ORMDL1: variants seen among roughly 807,000 people sequenced by gnomAD.
The protein encoded by ORMDL1 is ORM1-like protein 1.
A neutral mutation model predicts 13.0 loss-of-function variants in ORMDL1; 10 were observed. That is an observed-to-expected ratio of 0.77 (90% CI 0.47 to 1.30). The LOEUF is 1.30. Ranked by LOEUF, ORMDL1 falls within the 50% of genes most tolerant of loss-of-function variation. The probability of loss-of-function intolerance (pLI) is 0.00; values close to 1 mark genes in which losing one functional copy is unlikely to be tolerated. For missense variants in ORMDL1, 171 were observed against 186.7 expected (o/e 0.92, Z 0.49); for synonymous variants, 61 against 63.9 (o/e 0.95, Z 0.22).
At position 189,777,319 on chromosome 2, in the gene ORMDL1, C is replaced by G. The variant is rs752284006; in HGVS notation, c.175-1603G>C. Among the ~76,000 whole-genome samples, 5 of 152,196 alleles carry G rather than the reference C, an allele frequency of 3.3e-5. No homozygotes were observed. In the South Asian group the frequency reaches 8.3e-4, roughly 25 times the overall value. ...AGGAGTATTTATTCTGTAAGCTCTA[C>G]GAAACCATTTTCATATGGACTTTAA... On this transcript the variant is annotated intron_variant, in intron 3 of 4. Coordinates refer to ENST00000392349, the MANE Select transcript of ORMDL1 (RefSeq NM_016467.5).
At chr2:189,778,054 C>G in intron 3 of ORMDL1, 1 of 381,272 alleles carries the variant, frequency 2.6e-6, no homozygotes, top group Non-Finnish European at 5.0e-6. Flanking sequence ...TGTCAATTAC[C>G]AATCATTTGT....
In ORMDL1 at chr2:189,771,495, T is replaced by C; in HGVS notation, c.*272A>G. On this transcript the variant is annotated 3_prime_UTR_variant, in exon 5 of 5. Transcript: ENST00000392349. ...CTCTTATTTCCTTGAATTTATCTAC[T>C]ACACCCTCACTGTGATGCCCTTTAA... The C allele has an allele frequency of 4.0e-6, 1 of 250,030 alleles. No individual in the cohort carries two copies. The highest frequency in any genetic ancestry group is 7.5e-6 in the Non-Finnish European group (1 of 132,706). 15.5% of individuals were successfully genotyped at this position (250,030 alleles called of 1,614,324 possible).
At chr2:189,783,770 T>G (rs2047978943) in intron 1 of ORMDL1, among the ~76,000 whole-genome samples, 1 of 152,202 alleles carries the variant, frequency 6.6e-6, no homozygotes, top group South Asian at 2.1e-4. Flanking sequence ...AATTTACATC[T>G]CAGCTGGAAG....
chr2:189,763,869 G>GT, the ORMDL1 span: 4 of 152,132 alleles, frequency 2.6e-5, no homozygotes, highest in Admixed American at 2.6e-4. Flanking sequence ...TATGGTTGAG[G>GT]TTTTTTATTT....
intron 4 of ORMDL1, among the ~76,000 whole-genome samples, chr2:189,773,236 T>C (rs1331034412): frequency 1.3e-5 from 2 of 152,180 alleles, no homozygotes; most frequent in Non-Finnish European, 2.9e-5. Context: ...ATTACTTGAC[T>C]CTTTCAAAAA....
At chr2:189,782,316 A>C (rs1319686254) in intron 3 of ORMDL1, 106 bp downstream of exon 3, 2 of 1,041,524 alleles carry the variant, frequency 1.9e-6, no homozygotes, top group African/African-American at 3.2e-5. Context: ...AAAACCAAAA[A>C]CTCTGTACCC....
At chr2:189,778,350 G>A (rs548445964) in intron 3 of ORMDL1, 41 of 450,636 alleles carry the variant, frequency 9.1e-5, no homozygotes, top group African/African-American at 7.4e-4. Flanking sequence ...AGCCAAGATC[G>A]TGCCACTGTA....
intron 4 of ORMDL1, among the ~76,000 whole-genome samples, chr2:189,773,722 CA>C (rs56366510): frequency 4.7e-5 from 3 of 64,316 alleles, no homozygotes; most frequent in African/African-American, 6.4e-5. Flanking sequence ...ACTCTTGTCT[CA>C]AAAAAAAAAA....
At chr2:189,778,036 C>A in intron 3 of ORMDL1, 1 of 346,842 alleles carries the variant, frequency 2.9e-6, no homozygotes, top group South Asian at 2.1e-5. Flanking sequence ...GTTTGCTTTT[C>A]TATACAATGT....
chr2:189,766,849 C>T (rs1029814251), downstream of ORMDL1, among the ~76,000 whole-genome samples: 2 of 152,178 alleles, frequency 1.3e-5, no homozygotes, highest in Non-Finnish European at 2.9e-5. Flanking sequence ...AGTGGGGTAA[C>T]ACAGTATTTG....
downstream of ORMDL1, among the ~76,000 whole-genome samples, chr2:189,766,853 G>A (rs956052782): frequency 6.6e-6 from 1 of 152,200 alleles, no homozygotes; most frequent in Non-Finnish European, 1.5e-5. Flanking sequence ...GGGTAACACA[G>A]TATTTGTCAT....
intron 3 of ORMDL1, among the ~76,000 whole-genome samples, chr2:189,776,259 G>A (rs919808609): frequency 6.6e-6 from 1 of 152,068 alleles, no homozygotes; most frequent in East Asian, 1.9e-4. Context: ...GATATAATAG[G>A]TATAATGTTC....
intron 3 of ORMDL1, among the ~76,000 whole-genome samples, chr2:189,777,027 T>G (rs2047711944): frequency 6.6e-6 from 1 of 152,220 alleles, no homozygotes; most frequent in African/African-American, 2.4e-5. Context: ...TGATGCTACT[T>G]CATTACCTCA....
intron 1 of ORMDL1, chr2:189,783,329 G>C (rs1197164460): frequency 2.0e-5 from 3 of 152,170 alleles, no homozygotes; most frequent in African/African-American, 7.2e-5. Context: ...ATTGATAATA[G>C]TTCTCAGTTC....
intron 4 of ORMDL1, chr2:189,775,332 T>C: frequency 2.5e-6 from 1 of 395,684 alleles, no homozygotes; most frequent in Non-Finnish European, 4.5e-6. Context: ...ATCCTAAATG[T>C]CTAGGTGCAC....
At chr2:189,777,942 A>G (rs1331011586) in intron 3 of ORMDL1, among the ~76,000 whole-genome samples, 1 of 152,240 alleles carries the variant, frequency 6.6e-6, no homozygotes, top group East Asian at 1.9e-4. Flanking sequence ...ATTCAAAGGA[A>G]ACTTAAATTT....
Position 189,770,278 on chromosome 2 carries a change from A to C in ORMDL1, c.*1489T>G, listed in dbSNP as rs1245676668. ...CAGTTGCTTAAAAATAAACTTGAAA[A>C]ATGTCATTTTAATTTTGATGACTAA... On this transcript the variant is annotated 3_prime_UTR_variant, in exon 5 of 5. Transcript: ENST00000392349. 6.6e-6 allele frequency: 1 copy of C among 152,194 alleles called. No homozygotes were observed. Among genetic ancestry groups the C allele is most frequent in the Non-Finnish European group, 1.5e-5 (1 of 68,020 alleles). The allele number at this position is 152,194 out of a possible 1,614,324, so 9.4% of individuals were successfully genotyped here.
downstream of ORMDL1, among the ~76,000 whole-genome samples, chr2:189,766,111 C>T (rs2047479583): frequency 6.6e-6 from 1 of 152,180 alleles, no homozygotes. Context: ...AGGCGTGAGC[C>T]ACCACGCCCA....
At chr2:189,775,457 T>C (rs1337346474) in intron 4 of ORMDL1, 108 bp downstream of exon 4, 19 of 1,214,748 alleles carry the variant, frequency 1.6e-5, no homozygotes, top group Non-Finnish European at 2.0e-5. Flanking sequence ...GTGCTACTTA[T>C]TGATAGAAGT....
Sources: gnomAD v4.1 joint callset for allele counts (sites outside exome capture counted in the v4.1 genomes callset) on GRCh38, gnomAD v4.1.1 for gene constraint, MANE v1.5 for transcripts, NCBI Gene and HGNC (gene_info 2026-07-23, HGNC 2026-07-21) for gene names.